NNT: variants seen among roughly 807,000 people sequenced by gnomAD.
The protein encoded by NNT is NAD(P) transhydrogenase, mitochondrial.
Under a neutral mutation model 104.8 loss-of-function variants are expected in NNT, and 50 were observed. The observed-to-expected ratio is 0.48, with a 90% CI of 0.38 to 0.60. The LOEUF is 0.60. Ranked by LOEUF, NNT falls within the 20% of genes least tolerant of loss-of-function variation. The pLI, the probability that NNT is intolerant of heterozygous loss-of-function variation, is 0.00. For missense variants in NNT, 1,131 were observed against 1,330.7 expected, an observed-to-expected ratio of 0.85 and a Z score of 2.33; for synonymous variants, 461 against 490.4, an observed-to-expected ratio of 0.94 and a Z score of 0.79.
rs1164633688 is a variant in NNT, at chr5:43,707,127, AAAAAG to A, written c.*2728_*2732del. The A allele has an allele frequency of 2.0e-5, 3 of 152,304 alleles. No homozygotes were observed. Among genetic ancestry groups the A allele is most frequent in the African/African-American group, 7.2e-5 (3 of 41,568 alleles). 9.4% of individuals were successfully genotyped at this position (152,304 alleles called of 1,614,324 possible). On this transcript the variant is annotated 3_prime_UTR_variant, in exon 22 of 22. Coordinates refer to ENST00000344920, the MANE Select transcript of NNT (RefSeq NM_182977.3). The stretch of plus-strand genomic sequence containing the variant: ...TAGAACTTAAAGTATAATTAAAAAA[AAAAAG>A]AAAACAGAAGCTATTTATAAAGAAG...
chr5:43,649,038 G>T, intron 10 of NNT, 109 bp from the exon 11 acceptor site: 3 of 1,229,680 alleles, frequency 2.4e-6, no homozygotes, highest in Non-Finnish European at 3.5e-6. Context: ...ACTGGCAAGG[G>T]AGTGGAATTT....
chr5:43,620,776 G>A (rs1215544263), intron 5 of NNT, among the ~76,000 whole-genome samples: 2 of 152,168 alleles, frequency 1.3e-5, no homozygotes, highest in Admixed American at 6.5e-5. Context: ...ATACAAAAAT[G>A]TCTGGCATGC....
At chr5:43,642,117 G>A (rs1278970965) in intron 7 of NNT, among the ~76,000 whole-genome samples, 1 of 152,184 alleles carries the variant, frequency 6.6e-6, no homozygotes. Context: ...TCAAATATGT[G>A]CAATCATTGG....
chr5:43,657,429 G>C (rs1190556581), intron 16 of NNT, among the ~76,000 whole-genome samples: 1 of 152,162 alleles, frequency 6.6e-6, no homozygotes, highest in South Asian at 2.1e-4. Context: ...GTATGATGCT[G>C]TTTTATGCAG....
At chr5:43,672,334 C>T (rs144160578) in intron 17 of NNT, among the ~76,000 whole-genome samples, 10,081 of 152,262 alleles carry the variant, frequency 0.066, 562 homozygotes, top group African/African-American at 0.15. Flanking sequence ...CGAGGAGCTG[C>T]GTTCCTTTGG....
chr5:43,632,035 A>AT (rs1447783625), intron 7 of NNT, among the ~76,000 whole-genome samples: 1 of 151,878 alleles, frequency 6.6e-6, no homozygotes. Context: ...GAAGAAGGTG[A>AT]TTTTTCTAAA....
At chr5:43,633,883 C>A (rs1318329218) in intron 7 of NNT, among the ~76,000 whole-genome samples, 1 of 151,874 alleles carries the variant, frequency 6.6e-6, no homozygotes, top group East Asian at 1.9e-4. Flanking sequence ...AAAACTGGAA[C>A]ACATGCCCAG....
chr5:43,654,318 G>C (rs1425193060), intron 14 of NNT, among the ~76,000 whole-genome samples: 2 of 152,206 alleles, frequency 1.3e-5, no homozygotes, highest in African/African-American at 4.8e-5. Context: ...TTATTGTCCA[G>C]ACGTGAGAAA....
intron 1 of NNT, among the ~76,000 whole-genome samples, chr5:43,605,319 A>G (rs1395053584): frequency 6.6e-6 from 1 of 151,386 alleles, no homozygotes; most frequent in Non-Finnish European, 1.5e-5. Context: ...GATCGAGACC[A>G]TCCTGGCTAA....
intron 21 of NNT, among the ~76,000 whole-genome samples, chr5:43,703,983 G>T (rs1742989783): frequency 6.6e-6 from 1 of 152,104 alleles, no homozygotes; most frequent in South Asian, 2.1e-4. Context: ...GCACTAAGAA[G>T]AAAATAATTG....
chr5:43,657,483 G>A (rs1421631161), intron 16 of NNT, among the ~76,000 whole-genome samples: 2 of 152,140 alleles, frequency 1.3e-5, no homozygotes, highest in African/African-American at 4.8e-5. Flanking sequence ...CTTTCAGTGT[G>A]TAATCCGTAG....
At chr5:43,668,113 ATTGT>A (rs1740817655) in intron 17 of NNT, among the ~76,000 whole-genome samples, 1 of 151,270 alleles carries the variant, frequency 6.6e-6, no homozygotes, top group Admixed American at 6.6e-5. Flanking sequence ...TGTTGATGGG[ATTGT>A]TTGTTTTTTT....
At chr5:43,625,424 A>T (rs2111664230) in intron 6 of NNT, among the ~76,000 whole-genome samples, 1 of 152,262 alleles carries the variant, frequency 6.6e-6, no homozygotes, top group African/African-American at 2.4e-5. Flanking sequence ...TACAATGAAG[A>T]AAGATGTGGC....
Position 43,705,254 on chromosome 5 carries a change from T to C in NNT, c.*850T>C, listed in dbSNP as rs1196706064. ...TGGCAAGTGATGTGGCAATTATCTCTGGTGACAAAAGAGTAAAATCAAATA... is the reference window on the plus strand; with the variant it reads ...TGGCAAGTGATGTGGCAATTATCTCCGGTGACAAAAGAGTAAAATCAAATA... On this transcript the variant is annotated 3_prime_UTR_variant, in exon 22 of 22. Transcript: ENST00000344920. 1.3e-5 allele frequency: 2 copies of C among 152,182 alleles called. No homozygotes were observed. The highest frequency in any genetic ancestry group is 4.8e-5 in the African/African-American group (2 of 41,460). The allele number at this position is 152,182 out of a possible 1,614,324, so 9.4% of individuals were successfully genotyped here. A position where few individuals can be genotyped will look rare whatever the true frequency, so the allele number is the denominator to read the frequency against.
intron 17 of NNT, among the ~76,000 whole-genome samples, chr5:43,660,010 CTT>C (rs1740270797): frequency 6.6e-6 from 1 of 152,070 alleles, no homozygotes; most frequent in South Asian, 2.1e-4. Flanking sequence ...ATATTGTTGA[CTT>C]TTTGTCATTA....
intron 6 of NNT, among the ~76,000 whole-genome samples, chr5:43,626,461 T>C (rs1342838435): frequency 2.6e-5 from 4 of 152,112 alleles, no homozygotes; most frequent in Non-Finnish European, 4.4e-5. Context: ...TATGGAGATA[T>C]CTCATTATTT....
At chr5:43,605,085 C>G (rs1363755393) in intron 1 of NNT, among the ~76,000 whole-genome samples, 1 of 152,184 alleles carries the variant, frequency 6.6e-6, no homozygotes, top group Non-Finnish European at 1.5e-5. Context: ...TCCGCAGATC[C>G]AGAGCTGACT....
intron 7 of NNT, among the ~76,000 whole-genome samples, chr5:43,632,911 A>C (rs2111735282): frequency 6.6e-6 from 1 of 152,288 alleles, no homozygotes; most frequent in South Asian, 2.1e-4. Context: ...AAAATCTGAT[A>C]AGTACGTTGG....
At chr5:43,676,461 C>T (rs1741419727) in intron 18 of NNT, among the ~76,000 whole-genome samples, 2 of 152,262 alleles carry the variant, frequency 1.3e-5, no homozygotes, top group East Asian at 3.9e-4. Context: ...AAGTGTAAGC[C>T]TTCTCAACTT....
Sources: allele counts gnomAD v4.1 joint callset (sites outside exome capture counted in the v4.1 genomes callset), GRCh38; gene constraint gnomAD v4.1.1; transcripts MANE v1.5; gene names NCBI Gene and HGNC (gene_info 2026-07-23, HGNC 2026-07-21).